Variants in DDX23 observed in about 807,000 individuals in gnomAD.
The protein encoded by DDX23 is probable ATP-dependent RNA helicase DDX23.
Under a neutral mutation model 102.7 loss-of-function variants are expected in DDX23, and 33 were observed. The ratio of observed to expected loss-of-function variants is 0.32; its 90% CI spans 0.24 to 0.43. The LOEUF is 0.43. Ranked by LOEUF, DDX23 falls within the 20% of genes least tolerant of loss-of-function variation. The pLI is 1.00. For missense variants in DDX23, 549 were observed against 1,086.6 expected (o/e 0.51, Z 6.96); for synonymous variants, 352 against 376.0 (o/e 0.94, Z 0.74).
At chr12:48,831,641 T>C (rs1405684825) in intron 15 of DDX23, among the ~76,000 whole-genome samples, 2 of 151,980 alleles carry the variant, frequency 1.3e-5, no homozygotes, top group African/African-American at 4.8e-5. Flanking sequence ...GATCAAGAAG[T>C]TTAAGGAAGT....
intron 2 of DDX23, 43 bp downstream of exon 2, chr12:48,845,531 C>T (rs1322822116): frequency 6.2e-6 from 10 of 1,602,070 alleles, no homozygotes; most frequent in African/African-American, 5.4e-5. Context: ...AAATCTGAAA[C>T]GTACTCTCCC....
intron 5 of DDX23, among the ~76,000 whole-genome samples, chr12:48,838,722 AC>A (rs898599135): frequency 6.6e-6 from 1 of 151,834 alleles, no homozygotes; most frequent in Non-Finnish European, 1.5e-5. Context: ...GCATGGTGGC[AC>A]GTGCCTGTAA....
At chr12:48,851,030 T>G (rs1938748370) in intron 1 of DDX23, among the ~76,000 whole-genome samples, 1 of 152,188 alleles carries the variant, frequency 6.6e-6, no homozygotes. Context: ...CTCCAGATCT[T>G]CAGGTCCTCA....
At chr12:48,841,714 C>T (rs1332533858) in intron 3 of DDX23, among the ~76,000 whole-genome samples, 2 of 152,236 alleles carry the variant, frequency 1.3e-5, no homozygotes, top group African/African-American at 4.8e-5. Flanking sequence ...CCGCCAGCCT[C>T]GGCCTCCCGA....
rs1029623403 is a variant in DDX23, at chr12:48,830,554, G to A, written c.2378C>T (p.Pro793Leu). 1.8e-5 allele frequency: 29 copies of A among 1,613,736 alleles called. No homozygotes were observed. The highest frequency in any genetic ancestry group is 2.7e-5 in the African/African-American group (2 of 74,880). ...GGCATCTGGGTGGTTGGCTAGTTCG[G>A]GGGGACAGGAAGACACTGGGCTTTC... Reference protein sequence around the residue: ...ILESPVSSCPPELANHPDAQH... With the variant: ...ILESPVSSCPLELANHPDAQH... Residue 793 changes from proline to leucine, a missense_variant, in exon 17 of 17, where the codon CCC becomes CTC. Physicochemically the swap from Pro to Leu is moderately conservative, Grantham distance 98. Coordinates refer to ENST00000308025, the MANE Select transcript of DDX23 (RefSeq NM_004818.3). The surrounding 1 kb of genome is among the most constrained non-coding windows in gnomAD (Gnocchi z 4.9).
chr12:48,842,832 A>G (rs557639738), intron 3 of DDX23, among the ~76,000 whole-genome samples: 3 of 152,370 alleles, frequency 2.0e-5, no homozygotes, highest in Admixed American at 2.0e-4. Flanking sequence ...CCATGATGAC[A>G]GTGGCGGTTT....
intron 3 of DDX23, 113 bp from the exon 4 acceptor site, chr12:48,840,219 C>T (rs1171023866): frequency 8.5e-6 from 7 of 827,486 alleles, no homozygotes; most frequent in African/African-American, 1.7e-5. Context: ...CAAGACTGGC[C>T]CATGGTCATC....
At chr12:48,833,955 G>C (rs1938428099) in intron 12 of DDX23, among the ~76,000 whole-genome samples, 1 of 152,144 alleles carries the variant, frequency 6.6e-6, no homozygotes. Context: ...TGAAGGCAAT[G>C]CACAAAGTCA....
chr12:48,841,386 CA>C (rs1263386759), intron 3 of DDX23, among the ~76,000 whole-genome samples: 1 of 152,074 alleles, frequency 6.6e-6, no homozygotes, highest in Non-Finnish European at 1.5e-5. Flanking sequence ...AACTCCATCT[CA>C]AAAAAACCCC....
At chr12:48,848,474 A>G (rs1938705818) in intron 1 of DDX23, among the ~76,000 whole-genome samples, 1 of 152,214 alleles carries the variant, frequency 6.6e-6, no homozygotes, top group Admixed American at 6.5e-5. Flanking sequence ...TTTAGTTGAC[A>G]TTTAAGCTGA....
At position 48,833,306 on chromosome 12, in the gene DDX23, A is replaced by G; in HGVS notation, c.1774T>C (p.Phe592Leu). 6.2e-7 allele frequency: 1 copy of G among 1,614,134 alleles called. No individual in the cohort carries two copies. The highest frequency in any genetic ancestry group is 8.5e-7 in the Non-Finnish European group (1 of 1,180,032). The change falls in exon 13 of 17, where the codon TTT becomes CTT. Residue 592 changes from phenylalanine (F) to leucine (L), a missense_variant. By Grantham distance (22) the Phe-to-Leu change is conservative. Transcript: ENST00000308025. ...CGGTACTTATGTTTTCCCGACTCAAAGTTGGCCAGCATCTTCTCAGGGTCC... is the reference window on the plus strand; with the variant it reads ...CGGTACTTATGTTTTCCCGACTCAAGGTTGGCCAGCATCTTCTCAGGGTCC... Reference protein sequence around the residue: ...AEDPEKMLANFESGKHKYRQT... With the variant: ...AEDPEKMLANLESGKHKYRQT...
chr12:48,831,734 T>G, intron 15 of DDX23: 1 of 443,602 alleles, frequency 2.3e-6, no homozygotes. Context: ...AGCTCCCTTC[T>G]GACCATATCA....
intron 1 of DDX23, among the ~76,000 whole-genome samples, chr12:48,851,232 G>A (rs1938752848): frequency 6.6e-6 from 1 of 152,236 alleles, no homozygotes; most frequent in Non-Finnish European, 1.5e-5. Flanking sequence ...AACACTTTAA[G>A]AGGCCGAGAC....
At chr12:48,845,458 CAA>C in intron 2 of DDX23, 114 bp downstream of exon 2, 1 of 1,233,730 alleles carries the variant, frequency 8.1e-7, no homozygotes, top group East Asian at 2.4e-5. Flanking sequence ...GACTCTGTCT[CAA>C]AAAATAAAAA....
rs139040339 is a variant in DDX23 at position 48,845,622 on chromosome 12, C to T, written c.161G>A (p.Arg54Gln). ...RKRHRSRDRR[R>Q]GGSRSRSRSR... is the part of the protein sequence containing the mutation. ...ACGAGAGCGAGAACGGCTGCCTCCT[C>T]GACGTCTATCCCTTGAACGATGCCG... Residue 54 changes from arginine (R) to glutamine (Q), a missense_variant, in exon 2 of 17, where the codon CGA (arginine) becomes CAA (glutamine). By Grantham distance (43) the Arg-to-Gln change is conservative. Around this residue, in one of 4 missense-constraint regions of DDX23, gnomAD observed 241 missense variants for 267.0 expected, o/e 0.90. Transcript: ENST00000308025. 39 of 1,614,102 alleles carry T rather than the reference C, an allele frequency of 2.4e-5. 1 individual carries two copies. Among genetic ancestry groups the T allele is most frequent in the Admixed American group, 2.0e-4 (12 of 60,004 alleles).
intron 3 of DDX23, among the ~76,000 whole-genome samples, chr12:48,841,313 G>C (rs948746467): frequency 1.6e-4 from 24 of 152,180 alleles, no homozygotes; most frequent in Admixed American, 6.5e-5. Flanking sequence ...CTGAACCCAA[G>C]AGGCAGAGGT....
chr12:48,832,475 C>T lies in DDX23; in HGVS notation c.1902G>A (p.Lys634=). 1 of 1,614,188 alleles carries T rather than the reference C, an allele frequency of 6.2e-7. No individual in the cohort carries two copies. The highest frequency in any genetic ancestry group is 1.1e-5 in the South Asian group (1 of 91,086). Residue 634 remains lysine, a synonymous_variant, in exon 14 of 17, where the codon AAG becomes AAA. Coordinates refer to ENST00000308025, the MANE Select transcript of DDX23 (RefSeq NM_004818.3). This position sits in a 1 kb window ranked among gnomAD's most constrained non-coding sequence, Gnocchi z 4.4. ...PAVVYIGSAG[K]PHERVEQKVF... Reference sequence around the variant, plus strand: ...CCTTCTGTTCCACACGCTCATGGGGCTTGCCTGCGGAGCCAATGTACACCA... The same window carrying T: ...CCTTCTGTTCCACACGCTCATGGGGTTTGCCTGCGGAGCCAATGTACACCA...
At position 48,837,510 on chromosome 12, in the gene DDX23, G is replaced by A; in HGVS notation, c.753+14C>T. 1.2e-6 allele frequency: 2 copies of A among 1,614,078 alleles called. No homozygotes were observed. Among genetic ancestry groups the A allele is most frequent in the African/African-American group, 1.3e-5 (1 of 75,036 alleles). On this transcript the variant is annotated intron_variant, in intron 7 of 16. Transcript: ENST00000308025. ...TGTGTGGGAGAGAAGTGAAGATGGA[G>A]CCAAGGCCTGCACCTTAATGGCATG...
Position 48,837,404 on chromosome 12 carries a change from A to G in DDX23, c.754-11T>C. ...ACCCAGGTAACGCTCCTACCCAGGG[A>G]CAGAACACAAAGCACATGAGCTTTG... On this transcript the variant is annotated splice_polypyrimidine_tract_variant and intron_variant, in intron 7 of 16. Coordinates refer to ENST00000308025, the MANE Select transcript of DDX23 (RefSeq NM_004818.3). 5 of 1,614,094 alleles carry G rather than the reference A, an allele frequency of 3.1e-6. No individual in the cohort carries two copies. Among genetic ancestry groups the G allele is most frequent in the Non-Finnish European group, 4.2e-6 (5 of 1,179,922 alleles).
Sources: allele counts gnomAD v4.1 joint callset (sites outside exome capture counted in the v4.1 genomes callset), GRCh38; gene constraint gnomAD v4.1.1; regional missense constraint gnomAD v4.1.1; non-coding constraint Gnocchi (gnomAD v3.1); transcripts MANE v1.5; gene names NCBI Gene and HGNC (gene_info 2026-07-23, HGNC 2026-07-21).